UNC5D: variants seen among roughly 807,000 people sequenced by gnomAD.
The protein encoded by UNC5D is netrin receptor UNC5D.
UNC5D carries 39 observed loss-of-function variants against 105.4 expected under a neutral mutation model. The observed-to-expected ratio is 0.37, with a 90% CI of 0.29 to 0.48. UNC5D has a LOEUF of 0.48. Ranked by LOEUF, UNC5D falls within the 20% of genes least tolerant of loss-of-function variation. The pLI is 0.98. For missense variants in UNC5D, 991 were observed against 1,202.4 expected (o/e 0.82, Z 2.60); for synonymous variants, 452 against 450.4 (o/e 1.00, Z -0.04).
intron 3 of UNC5D, among the ~76,000 whole-genome samples, chr8:35,583,922 G>T (rs1488204371): frequency 6.6e-6 from 1 of 152,084 alleles, no homozygotes; most frequent in Non-Finnish European, 1.5e-5. Context: ...CTTATGGGGG[G>T]TTCCTACCCA....
chr8:35,783,308 A>C (rs932148497), intron 16 of UNC5D, among the ~76,000 whole-genome samples: 1 of 152,148 alleles, frequency 6.6e-6, no homozygotes, highest in African/African-American at 2.4e-5. Flanking sequence ...CCTGGGTTGA[A>C]GTGACTTCTT....
At chr8:35,410,014 G>A (rs74478769) in intron 1 of UNC5D, among the ~76,000 whole-genome samples, 1 of 93,810 alleles carries the variant, frequency 1.1e-5, no homozygotes, top group Non-Finnish European at 2.2e-5. Flanking sequence ...CCTTCGCATG[G>A]CCTCCTCAAA....
intron 1 of UNC5D, among the ~76,000 whole-genome samples, chr8:35,377,161 G>C (rs140551337): frequency 2.6e-5 from 4 of 152,120 alleles, no homozygotes; most frequent in African/African-American, 9.7e-5. Context: ...TACTCTTTGC[G>C]TGCTATATGG....
chr8:35,404,105 G>A (rs1804650485), intron 1 of UNC5D, among the ~76,000 whole-genome samples: 2 of 152,194 alleles, frequency 1.3e-5, no homozygotes, highest in South Asian at 2.1e-4. Context: ...TATAGGACAT[G>A]AAGTTGCTAG....
intron 4 of UNC5D, among the ~76,000 whole-genome samples, chr8:35,681,741 T>C (rs2131330536): frequency 6.6e-6 from 1 of 152,314 alleles, no homozygotes; most frequent in African/African-American, 2.4e-5. Context: ...ACTGTAGTTC[T>C]CAGATCTCTT....
At chr8:35,347,654 C>A (rs1213904451) in intron 1 of UNC5D, among the ~76,000 whole-genome samples, 1 of 151,978 alleles carries the variant, frequency 6.6e-6, no homozygotes, top group Non-Finnish European at 1.5e-5. Context: ...TCCAACACTT[C>A]TCTCCTTGCT....
At position 35,669,595 on chromosome 8, in the gene UNC5D, G is replaced by T. The variant is rs113408020; in HGVS notation, c.571-13952G>T. ...CTTCAAGCCACTGTAATTTCTCCCT[G>T]CCATTGTTACAGTGTCCCAATGACC... On this transcript the variant is annotated intron_variant, in intron 4 of 16. Transcript: ENST00000404895. Among the ~76,000 whole-genome samples the T allele has an allele frequency of 5.9e-3, 903 of 151,990 alleles. 11 individuals are homozygous for T. Among genetic ancestry groups the T allele is most frequent in the African/African-American group, 0.02 (822 of 41,460 alleles).
At chr8:35,549,147 T>C in intron 1 of UNC5D, 145 bp from the exon 2 acceptor site, 1 of 759,986 alleles carries the variant, frequency 1.3e-6, no homozygotes, top group Non-Finnish European at 2.1e-6. Context: ...ATAATTCATC[T>C]ACACCAGTTC....
At chr8:35,680,104 TCTC>T (rs1458879228) in intron 4 of UNC5D, among the ~76,000 whole-genome samples, 1 of 152,162 alleles carries the variant, frequency 6.6e-6, no homozygotes, top group Non-Finnish European at 1.5e-5. Context: ...CATGATCTGA[TCTC>T]CTCTGTAAGA....
intron 1 of UNC5D, among the ~76,000 whole-genome samples, chr8:35,362,947 G>A (rs893489287): frequency 3.3e-5 from 5 of 152,020 alleles, no homozygotes; most frequent in Non-Finnish European, 4.4e-5. Context: ...TCCACAAATC[G>A]TATTTCTAAT....
At chr8:35,395,835 G>A (rs757199709) in intron 1 of UNC5D, among the ~76,000 whole-genome samples, 1 of 152,184 alleles carries the variant, frequency 6.6e-6, no homozygotes, top group African/African-American at 2.4e-5. Context: ...GTCCTCACAT[G>A]TCTTGTGTGG....
At chr8:35,456,781 T>G (rs1808525929) in intron 1 of UNC5D, among the ~76,000 whole-genome samples, 1 of 152,180 alleles carries the variant, frequency 6.6e-6, no homozygotes, top group Non-Finnish European at 1.5e-5. Flanking sequence ...TACATGGGAA[T>G]CTGGGCCTTA....
chr8:35,743,081 C>T (rs1829840731), intron 11 of UNC5D, among the ~76,000 whole-genome samples: 1 of 152,112 alleles, frequency 6.6e-6, no homozygotes, highest in South Asian at 2.1e-4. Context: ...ATACTGTACC[C>T]AGTCACTGAC....
chr8:35,742,991 A>C (rs1829836775), intron 11 of UNC5D, among the ~76,000 whole-genome samples: 2 of 152,156 alleles, frequency 1.3e-5, no homozygotes, highest in Admixed American at 6.5e-5. Flanking sequence ...TTTGGGAAAC[A>C]GTGTTTGGTT....
At chr8:35,592,957 C>A (rs754277466) in intron 3 of UNC5D, among the ~76,000 whole-genome samples, 1 of 151,540 alleles carries the variant, frequency 6.6e-6, no homozygotes, top group South Asian at 2.1e-4. Context: ...TCTACCCAAT[C>A]TTGCCTATGT....
chr8:35,745,906 GT>G (rs767565280), intron 11 of UNC5D, among the ~76,000 whole-genome samples: 1 of 151,958 alleles, frequency 6.6e-6, no homozygotes, highest in Non-Finnish European at 1.5e-5. Flanking sequence ...GCAGGGACAT[GT>G]ATACTGCCTT....
At chr8:35,469,329 A>G (rs943315933) in intron 1 of UNC5D, among the ~76,000 whole-genome samples, 1 of 152,202 alleles carries the variant, frequency 6.6e-6, no homozygotes, top group Non-Finnish European at 1.5e-5. Context: ...TTGCCTTGCC[A>G]AGTTAAAGTA....
At chr8:35,368,629 CTT>C (rs1802265646) in intron 1 of UNC5D, among the ~76,000 whole-genome samples, 1 of 150,666 alleles carries the variant, frequency 6.6e-6, no homozygotes, top group Admixed American at 6.6e-5. Context: ...TATTATGTCT[CTT>C]ATATATTTGT....
intron 1 of UNC5D, among the ~76,000 whole-genome samples, chr8:35,271,737 ATATATTTATACATG>A (rs1323228509): frequency 1.5e-4 from 19 of 126,256 alleles, no homozygotes; most frequent in African/African-American, 5.8e-4. Context: ...ATGTATACAT[ATATATTTATACATG>A]TATACATGTA....
Sources: gnomAD v4.1 joint callset for allele counts (sites outside exome capture counted in the v4.1 genomes callset) on GRCh38, gnomAD v4.1.1 for gene constraint, MANE v1.5 for transcripts, NCBI Gene and HGNC (gene_info 2026-07-23, HGNC 2026-07-21) for gene names.